Variants in PARP12 observed in about 807,000 individuals in gnomAD.
PARP12 encodes protein mono-ADP-ribosyltransferase PARP12.
PARP12 carries 59 observed loss-of-function variants against 72.4 expected under a neutral mutation model. The ratio of observed to expected loss-of-function variants is 0.81; its 90% CI spans 0.66 to 1.01. PARP12 has a LOEUF of 1.01. Ranked by LOEUF, PARP12 falls within the 50% of genes least tolerant of loss-of-function variation. The pLI, the probability that PARP12 is intolerant of heterozygous loss-of-function variation, is 0.00. For synonymous variants in PARP12, 403 were observed against 371.4 expected, an observed-to-expected ratio of 1.09 and a Z score of -0.98; for missense variants, 851 against 914.0, an observed-to-expected ratio of 0.93 and a Z score of 0.89.
chr7:140,031,606 C>T (rs1179107528), intron 8 of PARP12, among the ~76,000 whole-genome samples: 1 of 152,152 alleles, frequency 6.6e-6, no homozygotes, highest in Admixed American at 6.6e-5. Context: ...AAGAACTGAA[C>T]ACTTCATCTG....
At chr7:140,059,402 C>CT (rs1554389003) in intron 1 of PARP12, among the ~76,000 whole-genome samples, 24 of 147,238 alleles carry the variant, frequency 1.6e-4, no homozygotes, top group Non-Finnish European at 2.4e-4. Context: ...CTGAACCTAG[C>CT]TTTTTTTTTT....
intron 4 of PARP12, 141 bp downstream of exon 4, chr7:140,054,521 T>C (rs1817102517): frequency 1.6e-6 from 1 of 636,068 alleles, no homozygotes; most frequent in Admixed American, 2.8e-5. Context: ...ACCTTCAGAA[T>C]TGGTTTGGCC....
chr7:140,026,426 C>T (rs773588774), intron 10 of PARP12, 78 bp from the exon 11 acceptor site: 3 of 1,536,810 alleles, frequency 2.0e-6, no homozygotes, highest in East Asian at 2.3e-5. Context: ...CAAAACAACA[C>T]ATTTTTCCAA....
rs141105005 is a variant in PARP12 at position 140,035,927 on chromosome 7, AAGGAGG to A, written c.1325-1602_1325-1597del. Among the ~76,000 whole-genome samples the A allele has an allele frequency of 1.7e-3, 66 of 38,064 alleles. 4 individuals carry two copies. Among genetic ancestry groups the A allele is most frequent in the South Asian group, 6.6e-3 (8 of 1,212 alleles). 25.0% of individuals were successfully genotyped at this position (38,064 alleles called of 152,430 possible). A position where few individuals can be genotyped will look rare whatever the true frequency, so the allele number is the denominator to read the frequency against. On this transcript the variant is annotated intron_variant, in intron 7 of 11. Transcript: ENST00000263549. The stretch of plus-strand genomic sequence containing the variant: ...CGAGGAGGAGGACAAGGAGGAGGAC[AAGGAGG>A]AGGAGGAGGAGGAGGAGGACGAGGA...
chr7:140,033,878 T>A, intron 8 of PARP12: 1 of 994,394 alleles, frequency 1.0e-6, no homozygotes, highest in South Asian at 4.5e-5. Context: ...AATTCCATCA[T>A]TATTTCATTA....
intron 7 of PARP12, among the ~76,000 whole-genome samples, chr7:140,035,073 C>A (rs1816096554): frequency 6.6e-6 from 1 of 152,188 alleles, no homozygotes; most frequent in Admixed American, 6.5e-5. Flanking sequence ...CCATGCCCAA[C>A]TAATTTTGTT....
rs3735352 is a variant in PARP12 at position 140,024,755 on chromosome 7, C to G, written c.1911G>C (p.Pro637=). ...CGTTGCTCCAGCCCTCCTTGGCCGG[C>G]GGACGGACAAAGGAGGCATTGCCCC... ...FVRGNASFVR[P]PAKEGWSNAF... is the part of the protein sequence containing the mutation. The change falls in exon 12 of 12, where the codon CCG becomes CCC. Residue 637 remains proline, a synonymous_variant. Transcript: ENST00000263549. 0.047 allele frequency: 76,604 copies of G among 1,613,986 alleles called. 2,798 individuals carry two copies. The highest frequency in any genetic ancestry group is 0.19 in the African/African-American group (14,131 of 74,948).
intron 8 of PARP12, chr7:140,034,024 C>G: frequency 4.2e-6 from 5 of 1,201,900 alleles, no homozygotes; most frequent in Non-Finnish European, 5.2e-6. Context: ...CAACAGGCAG[C>G]CTTCTAATTA....
rs1817200415 is a variant in PARP12, at chr7:140,056,851, CTT to C, written c.760+3_760+4del. ...ACCAGCCTTACCACTCCCCACCAGC[CTT>C]ACCAGAAGTCCCCTGTGGGACAAAA... On this transcript the variant is annotated splice_donor_region_variant and intron_variant, in intron 3 of 11. Transcript: ENST00000263549. 6.3e-7 allele frequency: 1 copy of C among 1,596,278 alleles called. No individual in the cohort carries two copies. The highest frequency in any genetic ancestry group is 1.7e-5 in the Admixed American group (1 of 58,200).
intron 10 of PARP12, 148 bp from the exon 11 acceptor site, chr7:140,026,496 G>A (rs887504369): frequency 2.5e-5 from 24 of 962,376 alleles, no homozygotes; most frequent in South Asian, 1.0e-4. Flanking sequence ...GACTAGGCCT[G>A]TAAGCTCCAG....
At chr7:140,025,697 C>A in intron 11 of PARP12, 3 of 321,168 alleles carry the variant, frequency 9.3e-6, no homozygotes, top group African/African-American at 2.2e-5. Flanking sequence ...TATTATTATT[C>A]CAATTTTCTT....
In PARP12 at chr7:140,024,735, C is replaced by T; in HGVS notation, c.1931G>A (p.Ser644Asn). ...FVRPPAKEGW[S>N]NAFYDSCVNS... ...CACGCAGCTATCATAGAAGGCGTTG[C>T]TCCAGCCCTCCTTGGCCGGCGGACG... Residue 644 changes from serine to asparagine, a missense_variant, in exon 12 of 12, where the codon AGC becomes AAC. Ser to Asn is a conservative substitution (Grantham distance 46). Coordinates refer to ENST00000263549, the MANE Select transcript of PARP12 (RefSeq NM_022750.4). 1.2e-6 allele frequency: 2 copies of T among 1,614,194 alleles called. No homozygotes were observed. Among genetic ancestry groups the T allele is most frequent in the Non-Finnish European group, 8.5e-7 (1 of 1,180,044 alleles).
chr7:140,045,086 G>C (rs1816662558), intron 5 of PARP12, among the ~76,000 whole-genome samples: 1 of 151,148 alleles, frequency 6.6e-6, no homozygotes, highest in African/African-American at 2.4e-5. Context: ...CTGGAGTGTA[G>C]TGACACAATC....
intron 8 of PARP12, chr7:140,033,727 TG>T: frequency 1.0e-6 from 1 of 990,280 alleles, no homozygotes; most frequent in Non-Finnish European, 1.2e-6. Context: ...CAGGCTAACC[TG>T]GTGGCTCCTG....
rs779897715 is a variant in PARP12, at chr7:140,024,855, G to T, written c.1811C>A (p.Ser604Tyr). 1 of 1,613,674 alleles carries T rather than the reference G, an allele frequency of 6.2e-7. No homozygotes were observed. The highest frequency in any genetic ancestry group is 1.7e-5 in the Admixed American group (1 of 59,984). The change falls in exon 12 of 12, where the codon TCC becomes TAC. Residue 604 changes from serine (S) to tyrosine (Y), a missense_variant. Ser to Tyr is a moderately radical substitution (Grantham distance 144). Transcript: ENST00000263549. ...CGTGTCGGATTTGCTGTAGTGGTGG[G>T]AATATGCAGCATCTCGGGCAAAGTA... ...GSYFARDAAY[S>Y]HHYSKSDTQT... is the part of the protein sequence containing the mutation.
rs772784224 is a variant in PARP12, at chr7:140,028,622, T to G, written c.1488A>C (p.Pro496=). Residue 496 remains proline, a synonymous_variant, in exon 9 of 12, where the codon CCA becomes CCC. Transcript: ENST00000263549. ...CGCATGCGTCCCCTACCTGAAAGCC[T>G]GGGTCTGGCAGGGCAGAGGAGTCCC... ...DYWDSSALPD[P]GFQKITLSSS... 6.3e-7 allele frequency: 1 copy of G among 1,595,630 alleles called. No homozygotes were observed. The highest frequency in any genetic ancestry group is 8.5e-7 in the Non-Finnish European group (1 of 1,170,456).
intron 1 of PARP12, among the ~76,000 whole-genome samples, chr7:140,058,401 C>T (rs1344047904): frequency 2.0e-5 from 3 of 151,926 alleles, no homozygotes; most frequent in Non-Finnish European, 2.9e-5. Context: ...GTCCCAGCTA[C>T]TCTGGAGGCT....
Position 140,062,784 on chromosome 7 carries a change from C to A in PARP12, c.64G>T (p.Glu22Ter). The A allele has an allele frequency of 7.1e-7, 1 of 1,409,480 alleles. No homozygotes were observed. The highest frequency in any genetic ancestry group is 1.5e-5 in the African/African-American group (1 of 67,014). The allele number at this position is 1,409,480 out of a possible 1,614,324, so 87.3% of individuals were successfully genotyped here. The change falls in exon 1 of 12, where the codon GAG becomes TAG. Residue 22 changes from glutamate to a stop codon, truncating the protein, a stop_gained. Transcript: ENST00000263549. LOFTEE classifies it high-confidence loss of function. ...AAGCGGCGCCGCAGCTCGGGCAACT[C>A]CAGGGCGCCCCCGGCCGCGCACAGC... ...QVLCAAGGAL[E>*]LPELRRRLRM...
intron 11 of PARP12, 122 bp downstream of exon 11, chr7:140,026,075 C>A: frequency 7.0e-7 from 1 of 1,420,120 alleles, no homozygotes; most frequent in Non-Finnish European, 9.7e-7. Context: ...CAGGTACCAC[C>A]ACACATGGAG....
Sources: allele counts gnomAD v4.1 joint callset (sites outside exome capture counted in the v4.1 genomes callset), GRCh38; gene constraint gnomAD v4.1.1; transcripts MANE v1.5; gene names NCBI Gene and HGNC (gene_info 2026-07-23, HGNC 2026-07-21).